FCHSD2: variants seen among roughly 807,000 people sequenced by gnomAD.
FCHSD2 encodes the protein F-BAR and double SH3 domains protein 2.
FCHSD2 carries 38 observed loss-of-function variants against 108.1 expected under a neutral mutation model. The observed-to-expected ratio is 0.35, with a 90% CI of 0.27 to 0.46. FCHSD2 has a LOEUF of 0.46. FCHSD2 is among the 20% of genes least tolerant of loss of function. The probability of loss-of-function intolerance (pLI) is 1.00; values close to 1 mark genes in which losing one functional copy is unlikely to be tolerated. For synonymous variants in FCHSD2, 279 were observed against 314.7 expected (o/e 0.89, Z 1.20); for missense variants, 751 against 897.8 (o/e 0.84, Z 2.09).
chr11:72,838,776 T>C lies in FCHSD2; in HGVS notation c.*15A>G. The C allele has an allele frequency of 5.0e-6, 8 of 1,587,922 alleles. No individual in the cohort carries two copies. Among genetic ancestry groups the C allele is most frequent in the Admixed American group, 1.8e-5 (1 of 55,872 alleles). On this transcript the variant is annotated 3_prime_UTR_variant, in exon 20 of 20. Coordinates refer to ENST00000409418, the MANE Select transcript of FCHSD2 (RefSeq NM_014824.3). The stretch of plus-strand genomic sequence containing the variant: ...TGGCCTTGATTGTAGCAGTAATGGA[T>C]GGGCAAGCCCATCATCACACCAGTG...
intron 2 of FCHSD2, among the ~76,000 whole-genome samples, chr11:73,124,499 T>C (rs2135562871): frequency 6.6e-6 from 1 of 152,266 alleles, no homozygotes; most frequent in South Asian, 2.1e-4. Flanking sequence ...CTCACACCTG[T>C]AATCCCAGCA....
chr11:72,945,360 A>G (rs1266725290), intron 8 of FCHSD2, among the ~76,000 whole-genome samples: 4 of 152,364 alleles, frequency 2.6e-5, no homozygotes, highest in South Asian at 2.1e-4. Flanking sequence ...AGAAAGCTGA[A>G]ACTGGATCCC....
intron 9 of FCHSD2, among the ~76,000 whole-genome samples, chr11:72,913,824 C>CCAAAAAAAACAA (rs771869226): frequency 2.1e-5 from 1 of 47,686 alleles, no homozygotes; most frequent in Non-Finnish European, 5.0e-5. Context: ...AAAAAAAACC[C>CCAAAAAAAACAA]AAAAAAAAAA....
intron 4 of FCHSD2, among the ~76,000 whole-genome samples, chr11:73,011,927 G>C (rs1238385854): frequency 6.6e-6 from 1 of 152,048 alleles, no homozygotes; most frequent in Non-Finnish European, 1.5e-5. Flanking sequence ...CTTAGTGGAG[G>C]AGGTACGAAG....
chr11:73,064,151 TA>T (rs1859234026), intron 3 of FCHSD2, among the ~76,000 whole-genome samples: 1 of 152,056 alleles, frequency 6.6e-6, no homozygotes, highest in Non-Finnish European at 1.5e-5. Context: ...ACCACACAAC[TA>T]CATGGAAATT....
intron 14 of FCHSD2, among the ~76,000 whole-genome samples, chr11:72,847,308 T>C (rs1034748961): frequency 2.0e-5 from 3 of 152,344 alleles, no homozygotes; most frequent in African/African-American, 7.2e-5. Flanking sequence ...ATGAGCTCTA[T>C]TATCCTCACT....
chr11:72,841,710 TCA>T, intron 17 of FCHSD2, 127 bp from the exon 18 acceptor site: 1 of 971,830 alleles, frequency 1.0e-6, no homozygotes, highest in Non-Finnish European at 1.5e-6. Flanking sequence ...CTTGTCAACC[TCA>T]TTAGAGGCAA....
At chr11:73,077,097 CAAAAA>C (rs372641793) in intron 3 of FCHSD2, among the ~76,000 whole-genome samples, 1 of 72,488 alleles carries the variant, frequency 1.4e-5, no homozygotes. Context: ...GACTCTGTCT[CAAAAA>C]AAAAAAAAAA....
chr11:72,939,339 G>A (rs1856367083), intron 8 of FCHSD2, among the ~76,000 whole-genome samples: 1 of 152,118 alleles, frequency 6.6e-6, no homozygotes, highest in Admixed American at 6.6e-5. Context: ...CGGTAAGATT[G>A]TGGCTGCAAC....
chr11:72,967,895 T>A (rs895546452), intron 8 of FCHSD2, among the ~76,000 whole-genome samples: 3 of 151,746 alleles, frequency 2.0e-5, no homozygotes, highest in East Asian at 3.9e-4. Context: ...ATTGAGACCA[T>A]CCTGGCTAAC....
chr11:72,990,455 G>A (rs1204489494), intron 5 of FCHSD2, among the ~76,000 whole-genome samples: 2 of 152,208 alleles, frequency 1.3e-5, no homozygotes, highest in East Asian at 1.9e-4. Flanking sequence ...ATAGTTGGAA[G>A]TAAAGCACTC....
intron 9 of FCHSD2, among the ~76,000 whole-genome samples, chr11:72,917,693 C>A (rs1855901504): frequency 6.6e-6 from 1 of 152,172 alleles, no homozygotes; most frequent in African/African-American, 2.4e-5. Context: ...CAAGACTAGC[C>A]TGGCTAACAT....
chr11:72,896,002 T>TTA (rs1214620571), intron 10 of FCHSD2, among the ~76,000 whole-genome samples: 12 of 152,182 alleles, frequency 7.9e-5, no homozygotes, highest in Non-Finnish European at 1.0e-4. Flanking sequence ...CATGTAGACT[T>TTA]TTATAGACAA....
chr11:72,915,295 G>C (rs534207807), intron 9 of FCHSD2, among the ~76,000 whole-genome samples: 4 of 152,204 alleles, frequency 2.6e-5, no homozygotes, highest in South Asian at 4.1e-4. Context: ...TACACTGTTG[G>C]TAGGAGTGTA....
intron 12 of FCHSD2, among the ~76,000 whole-genome samples, chr11:72,885,325 T>C (rs1054256992): frequency 2.6e-5 from 4 of 152,254 alleles, no homozygotes; most frequent in Non-Finnish European, 4.4e-5. Flanking sequence ...GGTTTTAGCA[T>C]ACTATATTCA....
chr11:72,960,298 C>T (rs1273733554), intron 8 of FCHSD2, among the ~76,000 whole-genome samples: 1 of 152,164 alleles, frequency 6.6e-6, no homozygotes, highest in Non-Finnish European at 1.5e-5. Flanking sequence ...ACCCTCATGA[C>T]CCAAACACCT....
intron 3 of FCHSD2, among the ~76,000 whole-genome samples, chr11:73,026,550 A>C (rs1858234319): frequency 6.6e-6 from 1 of 152,228 alleles, no homozygotes; most frequent in Non-Finnish European, 1.5e-5. Context: ...ACAGATATAC[A>C]GTGCTCTAAA....
intron 2 of FCHSD2, among the ~76,000 whole-genome samples, chr11:73,118,448 C>T (rs1416017122): frequency 6.6e-6 from 1 of 152,292 alleles, no homozygotes; most frequent in East Asian, 1.9e-4. Flanking sequence ...TCTCCACCAC[C>T]ACAAATTAGT....
chr11:73,138,379 A>AACGCAATCAAGAAGTCTTTAGAAG (rs1861171075), intron 2 of FCHSD2, among the ~76,000 whole-genome samples: 1 of 152,136 alleles, frequency 6.6e-6, no homozygotes, highest in Non-Finnish European at 1.5e-5. Flanking sequence ...ATGGAGACAA[A>AACGCAATCAAGAAGTCTTTAGAAG]ACGCAATCAA....
Sources: gnomAD v4.1 joint callset for allele counts (sites outside exome capture counted in the v4.1 genomes callset) on GRCh38, gnomAD v4.1.1 for gene constraint, MANE v1.5 for transcripts, NCBI Gene and HGNC (gene_info 2026-07-23, HGNC 2026-07-21) for gene names.